Variants in CCDC102B observed in about 807,000 individuals in gnomAD.
CCDC102B encodes the protein coiled-coil domain-containing protein 102B.
Under a neutral mutation model 57.4 loss-of-function variants are expected in CCDC102B, and 75 were observed. The ratio of observed to expected loss-of-function variants is 1.31; its 90% CI spans 1.08 to 1.58. CCDC102B has a LOEUF of 1.58. Ranked by LOEUF, CCDC102B falls within the 40% of genes most tolerant of loss-of-function variation. The pLI, the probability that CCDC102B is intolerant of heterozygous loss-of-function variation, is 0.00. For synonymous variants in CCDC102B, 206 were observed against 201.9 expected (o/e 1.02, Z -0.17); for missense variants, 636 against 582.6 (o/e 1.09, Z -0.94).
chr18:68,925,308 A>G (rs932293093), intron 6 of CCDC102B, among the ~76,000 whole-genome samples: 3 of 152,026 alleles, frequency 2.0e-5, no homozygotes, highest in African/African-American at 4.8e-5. Flanking sequence ...TGATAAATCA[A>G]TCTGGCTTGC....
At chr18:68,727,086 T>G (rs1195784234) in intron 2 of CCDC102B, among the ~76,000 whole-genome samples, 3 of 152,192 alleles carry the variant, frequency 2.0e-5, no homozygotes, top group African/African-American at 7.2e-5. Flanking sequence ...CTCCATCCCA[T>G]TAAATCACCT....
chr18:68,922,924 G>T (rs1469581076), intron 6 of CCDC102B, among the ~76,000 whole-genome samples: 1 of 152,052 alleles, frequency 6.6e-6, no homozygotes, highest in African/African-American at 2.4e-5. Flanking sequence ...TACAAACATG[G>T]AAGTTGCCAG....
intron 6 of CCDC102B, among the ~76,000 whole-genome samples, chr18:68,906,988 G>A (rs2040674022): frequency 6.6e-6 from 1 of 151,746 alleles, no homozygotes; most frequent in Non-Finnish European, 1.5e-5. Context: ...TTTTGTATAT[G>A]TAAGAAAGAG....
intron 6 of CCDC102B, among the ~76,000 whole-genome samples, chr18:68,930,552 C>T (rs545225044): frequency 9.2e-5 from 14 of 151,988 alleles, no homozygotes; most frequent in African/African-American, 3.4e-4. Flanking sequence ...CAAAACGGAG[C>T]TGAAATTAAG....
intron 7 of CCDC102B, among the ~76,000 whole-genome samples, chr18:69,032,166 CAA>C (rs761315084): frequency 6.6e-6 from 1 of 152,076 alleles, no homozygotes; most frequent in Non-Finnish European, 1.5e-5. Flanking sequence ...AATGTCCAGA[CAA>C]AGAGGCACAT....
intron 6 of CCDC102B, among the ~76,000 whole-genome samples, chr18:68,984,195 A>C (rs562239698): frequency 2.5e-4 from 38 of 152,116 alleles, no homozygotes; most frequent in Admixed American, 4.6e-4. Flanking sequence ...AAAAGTTTAA[A>C]ATATCCTCTC....
intron 6 of CCDC102B, among the ~76,000 whole-genome samples, chr18:68,922,419 G>T (rs2041313660): frequency 6.6e-6 from 1 of 152,148 alleles, no homozygotes; most frequent in Non-Finnish European, 1.5e-5. Flanking sequence ...CTCAAGAACA[G>T]AATCACCACA....
At chr18:68,806,747 AT>A (rs2036047592) in intron 1 of CCDC102B, among the ~76,000 whole-genome samples, 1 of 152,112 alleles carries the variant, frequency 6.6e-6, no homozygotes. Flanking sequence ...TGTGAAATTA[AT>A]TTTAATAATA....
intron 7 of CCDC102B, among the ~76,000 whole-genome samples, chr18:69,020,485 T>G (rs1263201629): frequency 6.6e-6 from 1 of 152,034 alleles, no homozygotes; most frequent in Non-Finnish European, 1.5e-5. Context: ...TTTGGAAGAT[T>G]AAAAAAATAA....
chr18:68,927,601 G>A (rs1227363878), intron 6 of CCDC102B, among the ~76,000 whole-genome samples: 1 of 151,950 alleles, frequency 6.6e-6, no homozygotes, highest in Non-Finnish European at 1.5e-5. Flanking sequence ...CAACAATTAT[G>A]CATGATATAA....
At chr18:68,884,650 C>T (rs1444452031) in intron 5 of CCDC102B, among the ~76,000 whole-genome samples, 2 of 150,216 alleles carry the variant, frequency 1.3e-5, no homozygotes, top group African/African-American at 2.5e-5. Context: ...TACATCTCCC[C>T]ATCGTATATA....
At chr18:68,814,665 A>G (rs1340115469) in intron 1 of CCDC102B, among the ~76,000 whole-genome samples, 1 of 152,148 alleles carries the variant, frequency 6.6e-6, no homozygotes, top group African/African-American at 2.4e-5. Flanking sequence ...GGTGAATATC[A>G]TATTACAGAA....
chr18:68,928,717 A>G (rs1454660143), intron 6 of CCDC102B, among the ~76,000 whole-genome samples: 1 of 151,908 alleles, frequency 6.6e-6, no homozygotes, highest in Non-Finnish European at 1.5e-5. Flanking sequence ...AAAAACTAGA[A>G]ATTTAATAAT....
chr18:68,738,998 GTT>G (rs1208183457), intron 2 of CCDC102B, among the ~76,000 whole-genome samples: 3 of 137,000 alleles, frequency 2.2e-5, no homozygotes, highest in Admixed American at 7.3e-5. Context: ...GCAGCCTTTT[GTT>G]TTTTTTTTTT....
At chr18:68,794,003 T>C (rs2035550273), upstream of CCDC102B, among the ~76,000 whole-genome samples, 1 of 152,168 alleles carries the variant, frequency 6.6e-6, no homozygotes, top group Non-Finnish European at 1.5e-5. Flanking sequence ...TCAGTTTTGA[T>C]TAATATTTAT....
Position 68,853,672 on chromosome 18 carries a change from T to TAAAA in CCDC102B, c.936+7278_936+7281dup, listed in dbSNP as rs71175201. Among the ~76,000 whole-genome samples, 135 of 94,630 alleles carry TAAAA rather than the reference T, an allele frequency of 1.4e-3. 21 individuals carry two copies. Among genetic ancestry groups the TAAAA allele is most frequent in the East Asian group, 0.011 (48 of 4,296 alleles). 62.1% of individuals were successfully genotyped at this position (94,630 alleles called of 152,430 possible). ...CGAATTTTTCTTTATCCCCAAATTG[T>TAAAA]AAAAAAAAAAAAAAAAAAAAAAAAA... On this transcript the variant is annotated intron_variant, in intron 4 of 7. Coordinates refer to ENST00000360242, the MANE Select transcript of CCDC102B (RefSeq NM_024781.3).
intron 6 of CCDC102B, among the ~76,000 whole-genome samples, chr18:68,924,055 A>G (rs893043992): frequency 3.9e-5 from 6 of 152,022 alleles, no homozygotes; most frequent in African/African-American, 1.4e-4. Flanking sequence ...TGAACTGCCT[A>G]TGTTACTACA....
intron 6 of CCDC102B, chr18:68,902,375 G>A (rs934602087): frequency 6.6e-6 from 1 of 152,110 alleles, no homozygotes; most frequent in African/African-American, 2.4e-5. Context: ...TGCACATTTA[G>A]GCAATATCAC....
chr18:68,910,276 G>C (rs572821218), intron 6 of CCDC102B, among the ~76,000 whole-genome samples: 7 of 152,180 alleles, frequency 4.6e-5, no homozygotes, highest in Non-Finnish European at 8.8e-5. Context: ...CTGGGCAACA[G>C]AGTGAGACTG....
Sources: allele counts gnomAD v4.1 joint callset (sites outside exome capture counted in the v4.1 genomes callset), GRCh38; gene constraint gnomAD v4.1.1; transcripts MANE v1.5; gene names NCBI Gene and HGNC (gene_info 2026-07-23, HGNC 2026-07-21).